Variants in CMSS1 observed in about 807,000 individuals in gnomAD.
CMSS1 encodes cms1 ribosomal small subunit homolog.
A neutral mutation model predicts 43.5 loss-of-function variants in CMSS1; 33 were observed. The observed-to-expected ratio is 0.76, with a 90% CI of 0.57 to 1.01. CMSS1 has a LOEUF of 1.01. Ranked by LOEUF, CMSS1 falls within the 50% of genes least tolerant of loss-of-function variation. The probability of loss-of-function intolerance (pLI) is 0.00; values close to 1 mark genes in which losing one functional copy is unlikely to be tolerated. For synonymous variants in CMSS1, 115 were observed against 117.2 expected (o/e 0.98, Z 0.12); for missense variants, 313 against 326.4 (o/e 0.96, Z 0.32).
At chr3:100,166,271 A>G (rs1339835904) in intron 4 of CMSS1, 64 bp from the exon 5 acceptor site, 2 of 1,069,036 alleles carry the variant, frequency 1.9e-6, no homozygotes, top group Non-Finnish European at 2.9e-6. Flanking sequence ...ACTCACATAT[A>G]ATCTGTTTTG....
intron 1 of CMSS1, among the ~76,000 whole-genome samples, chr3:99,882,928 A>C (rs543735733): frequency 6.6e-5 from 10 of 152,330 alleles, no homozygotes; most frequent in African/African-American, 2.4e-4. Context: ...GCCACATGTC[A>C]AAACCCTAAT....
chr3:99,867,534 A>G (rs1576530353), intron 1 of CMSS1, among the ~76,000 whole-genome samples: 1 of 152,330 alleles, frequency 6.6e-6, no homozygotes, highest in East Asian at 1.9e-4. Flanking sequence ...GAAAAGCCAC[A>G]TATCTGATGG....
chr3:100,109,135 C>T (rs1312568308), intron 1 of CMSS1, among the ~76,000 whole-genome samples: 1 of 150,292 alleles, frequency 6.7e-6, no homozygotes, highest in Non-Finnish European at 1.5e-5. Context: ...TCTCAGGCCT[C>T]AATTCTTCCG....
intron 1 of CMSS1, among the ~76,000 whole-genome samples, chr3:99,941,788 AT>A (rs1016944073): frequency 6.6e-6 from 1 of 152,204 alleles, no homozygotes; most frequent in African/African-American, 2.4e-5. Context: ...TTTGGAAAAA[AT>A]ATATTGATTT....
chr3:100,115,503 G>T (rs539845581), intron 1 of CMSS1, among the ~76,000 whole-genome samples: 101 of 150,894 alleles, frequency 6.7e-4, no homozygotes, highest in Admixed American at 1.4e-3. Context: ...TCTTCACTAA[G>T]GTTCTCCAAT....
intron 2 of CMSS1, among the ~76,000 whole-genome samples, chr3:100,154,294 G>C (rs1345815871): frequency 3.9e-5 from 6 of 151,958 alleles, no homozygotes; most frequent in Admixed American, 3.9e-4. Flanking sequence ...GGGGTACATA[G>C]TGATGTTTGT....
intron 1 of CMSS1, among the ~76,000 whole-genome samples, chr3:99,889,354 C>CT (rs1706011505): frequency 6.6e-6 from 1 of 151,930 alleles, no homozygotes; most frequent in African/African-American, 2.4e-5. Flanking sequence ...ATGTTTTTAA[C>CT]TTTAAGTTCA....
chr3:99,832,085 T>G (rs1022422788), intron 1 of CMSS1, among the ~76,000 whole-genome samples: 3 of 152,188 alleles, frequency 2.0e-5, no homozygotes, highest in African/African-American at 7.2e-5. Flanking sequence ...TGCCTGAAGG[T>G]TACTGGGCTC....
At chr3:99,988,763 C>T (rs1014071435) in intron 1 of CMSS1, among the ~76,000 whole-genome samples, 1 of 152,104 alleles carries the variant, frequency 6.6e-6, no homozygotes, top group Non-Finnish European at 1.5e-5. Flanking sequence ...TTTACAGAAA[C>T]ATAGTATAAT....
chr3:100,004,209 C>T (rs1287672496), intron 1 of CMSS1, among the ~76,000 whole-genome samples: 1 of 152,130 alleles, frequency 6.6e-6, no homozygotes, highest in Admixed American at 6.5e-5. Flanking sequence ...GAAACCTAAA[C>T]TCCAAGTAAA....
intron 1 of CMSS1, among the ~76,000 whole-genome samples, chr3:99,921,839 T>A (rs1344634573): frequency 6.6e-6 from 1 of 152,244 alleles, no homozygotes; most frequent in Non-Finnish European, 1.5e-5. Context: ...TCCCACAATT[T>A]TTCTTTTCCT....
In CMSS1 at chr3:100,178,068, G is replaced by A. The variant is rs530015219; in HGVS notation, c.757-237G>A. 1.2e-4 allele frequency among the ~76,000 whole-genome samples: 18 copies of A among 152,256 alleles called. No individual in the cohort carries two copies. In the South Asian group the frequency reaches 2.3e-3, roughly 19 times the overall value. On this transcript the variant is annotated intron_variant, in intron 9 of 9. Coordinates refer to ENST00000421999, the MANE Select transcript of CMSS1 (RefSeq NM_032359.4). ...TGGGAAGCAGAGATAGCAGTTAGCC[G>A]AGATCACGCCACTGCACTCCAGCAT...
intron 2 of CMSS1, among the ~76,000 whole-genome samples, chr3:100,152,531 AATTT>A (rs1326047757): frequency 6.6e-6 from 1 of 152,092 alleles, no homozygotes; most frequent in Non-Finnish European, 1.5e-5. Flanking sequence ...GCACACCCTT[AATTT>A]ATTTAAAGCG....
intron 1 of CMSS1, among the ~76,000 whole-genome samples, chr3:100,051,979 T>C (rs946103176): frequency 6.6e-6 from 1 of 150,384 alleles, no homozygotes; most frequent in African/African-American, 2.4e-5. Flanking sequence ...TATACATAAA[T>C]ATAAATGTGA....
Position 100,066,625 on chromosome 3 carries a change from G to A in CMSS1, c.65-80348G>A, listed in dbSNP as rs1383176667. ...CGGCTCACTGCAAGCTCCGCCTCCC[G>A]GGTTCACGCCATTCTCCTGCCTCAG... On this transcript the variant is annotated intron_variant, in intron 1 of 9. Coordinates refer to ENST00000421999, the MANE Select transcript of CMSS1 (RefSeq NM_032359.4). Among the ~76,000 whole-genome samples, 10 of 128,880 alleles carry A rather than the reference G, an allele frequency of 7.8e-5. 1 individual carries two copies. Among genetic ancestry groups the A allele is most frequent in the African/African-American group, 2.8e-4 (10 of 35,762 alleles). 84.6% of individuals were successfully genotyped at this position (128,880 alleles called of 152,430 possible). A position where few individuals can be genotyped will look rare whatever the true frequency, so the allele number is the denominator to read the frequency against.
intron 1 of CMSS1, among the ~76,000 whole-genome samples, chr3:100,018,729 G>A (rs1373652810): frequency 1.2e-4 from 9 of 77,892 alleles, no homozygotes; most frequent in Admixed American, 1.6e-4. Context: ...AAAAGTTTCC[G>A]CATAGCAAAA....
chr3:100,166,855 C>G (rs960267289), intron 5 of CMSS1, among the ~76,000 whole-genome samples: 3 of 152,126 alleles, frequency 2.0e-5, no homozygotes, highest in African/African-American at 7.2e-5. Flanking sequence ...CCTCCTGTCT[C>G]AGCCTCCCAA....
intron 1 of CMSS1, among the ~76,000 whole-genome samples, chr3:100,037,443 A>G (rs1326248533): frequency 6.6e-6 from 1 of 152,130 alleles, no homozygotes; most frequent in African/African-American, 2.4e-5. Flanking sequence ...ATTAAAACAA[A>G]GCAAACAGAC....
intron 1 of CMSS1, among the ~76,000 whole-genome samples, chr3:99,927,522 A>G (rs1201371629): frequency 6.6e-6 from 1 of 152,064 alleles, no homozygotes; most frequent in Non-Finnish European, 1.5e-5. Flanking sequence ...GGCATGTGCC[A>G]CCACGCCCGG....
Sources: allele counts gnomAD v4.1 joint callset (sites outside exome capture counted in the v4.1 genomes callset), GRCh38; gene constraint gnomAD v4.1.1; transcripts MANE v1.5; gene names NCBI Gene and HGNC (gene_info 2026-07-23, HGNC 2026-07-21).